Variants in TMTC1 observed in about 807,000 individuals in gnomAD.
TMTC1 encodes transmembrane O-mannosyltransferase targeting cadherins 1, also known as protein O-mannosyl-transferase TMTC1.
TMTC1 carries 73 observed loss-of-function variants against 104.8 expected under a neutral mutation model. That is an observed-to-expected ratio of 0.70 (90% CI 0.58 to 0.85). The LOEUF (loss-of-function observed/expected upper bound fraction) is 0.85, where lower values mean the gene tolerates loss of function less well. Among genes scored for constraint, TMTC1 ranks in the 40% least tolerant of loss-of-function variants. TMTC1 has a pLI of 0.00. For missense variants in TMTC1, 1,035 were observed against 1,096.1 expected (o/e 0.94, Z 0.79); for synonymous variants, 434 against 428.7 (o/e 1.01, Z -0.15).
At chr12:29,685,299 A>C (rs1010126293) in intron 5 of TMTC1, among the ~76,000 whole-genome samples, 1 of 152,000 alleles carries the variant, frequency 6.6e-6, no homozygotes, top group Non-Finnish European at 1.5e-5. Context: ...TTTTTACATA[A>C]TTTTCACATT....
At chr12:29,594,139 T>C (rs1946350252) in intron 7 of TMTC1, among the ~76,000 whole-genome samples, 1 of 152,216 alleles carries the variant, frequency 6.6e-6, no homozygotes, top group Non-Finnish European at 1.5e-5. Flanking sequence ...AAATTTTCCA[T>C]CAAGGCTTGG....
chr12:29,528,550 C>A (rs1373235309), intron 11 of TMTC1, among the ~76,000 whole-genome samples: 1 of 152,168 alleles, frequency 6.6e-6, no homozygotes, highest in Non-Finnish European at 1.5e-5. Flanking sequence ...CAATATAGCA[C>A]ACTTTTTACC....
At chr12:29,555,784 T>C (rs1592225739) in intron 10 of TMTC1, among the ~76,000 whole-genome samples, 1 of 152,324 alleles carries the variant, frequency 6.6e-6, no homozygotes. Context: ...GCAATAAACA[T>C]ATGTGTGCAT....
At chr12:29,618,649 G>A (rs187509736) in intron 6 of TMTC1, among the ~76,000 whole-genome samples, 1 of 151,830 alleles carries the variant, frequency 6.6e-6, no homozygotes, top group African/African-American at 2.4e-5. Context: ...TGCACTTACA[G>A]CTAATCACCT....
At chr12:29,670,259 T>G (rs1372938957) in intron 5 of TMTC1, among the ~76,000 whole-genome samples, 1 of 152,224 alleles carries the variant, frequency 6.6e-6, no homozygotes, top group Non-Finnish European at 1.5e-5. Flanking sequence ...ATACTGGGAC[T>G]GTCTGGGTAA....
intron 5 of TMTC1, among the ~76,000 whole-genome samples, chr12:29,693,707 ATCATTTTT>A (rs1941331659): frequency 1.3e-5 from 2 of 152,228 alleles, no homozygotes; most frequent in African/African-American, 4.8e-5. Context: ...CTCTACTAGT[ATCATTTTT>A]TATATACTAG....
intron 5 of TMTC1, among the ~76,000 whole-genome samples, chr12:29,713,874 G>T (rs1942005269): frequency 6.6e-6 from 1 of 152,146 alleles, no homozygotes; most frequent in Non-Finnish European, 1.5e-5. Flanking sequence ...GAGAGGTGAG[G>T]TGTAACAAGA....
intron 5 of TMTC1, among the ~76,000 whole-genome samples, chr12:29,715,375 G>A (rs1215533945): frequency 6.6e-6 from 1 of 152,104 alleles, no homozygotes; most frequent in African/African-American, 2.4e-5. Flanking sequence ...GAAAAAGTGT[G>A]ACAGCCATGA....
chr12:29,733,181 C>A, intron 5 of TMTC1, among the ~76,000 whole-genome samples: 1 of 152,168 alleles, frequency 6.6e-6, no homozygotes, highest in South Asian at 2.1e-4. Flanking sequence ...CATAACAATC[C>A]TATGAGAGAG....
intron 4 of TMTC1, among the ~76,000 whole-genome samples, chr12:29,755,423 C>G (rs897753846): frequency 1.1e-4 from 16 of 152,300 alleles, no homozygotes; most frequent in Admixed American, 8.5e-4. Context: ...GCAACCAAAA[C>G]AAACCAGCAA....
chr12:29,631,218 T>C (rs1938280674), intron 6 of TMTC1, among the ~76,000 whole-genome samples: 1 of 151,876 alleles, frequency 6.6e-6, no homozygotes, highest in Non-Finnish European at 1.5e-5. Flanking sequence ...CTTCATTTAA[T>C]TCACATTATC....
At chr12:29,767,486 GGTAA>G (rs1943492875) in intron 2 of TMTC1, among the ~76,000 whole-genome samples, 1 of 152,180 alleles carries the variant, frequency 6.6e-6, no homozygotes, top group African/African-American at 2.4e-5. Context: ...GACTCAGCAT[GGTAA>G]GTGTCTCGAA....
intron 7 of TMTC1, among the ~76,000 whole-genome samples, chr12:29,585,291 G>C (rs1321340143): frequency 6.6e-6 from 1 of 152,086 alleles, no homozygotes; most frequent in Non-Finnish European, 1.5e-5. Flanking sequence ...GGGGTTGTTT[G>C]TTTTTTTCTT....
rs1943620714 is a variant in TMTC1, at chr12:29,502,677, G to C, written c.*4169C>G. The stretch of plus-strand genomic sequence containing the variant: ...CAATTGTGCCATACATCATTGTTAA[G>C]ACTTCTTTGGCTCATTTTAGTATAG... On this transcript the variant is annotated 3_prime_UTR_variant, in exon 18 of 18. Transcript: ENST00000539277. The C allele has an allele frequency of 6.6e-6, 1 of 152,156 alleles. No individual in the cohort carries two copies. The highest frequency in any genetic ancestry group is 2.4e-5 in the African/African-American group (1 of 41,430). 9.4% of individuals were successfully genotyped at this position (152,156 alleles called of 1,614,324 possible).
At chr12:29,657,181 T>C (rs1308793140) in intron 5 of TMTC1, among the ~76,000 whole-genome samples, 1 of 152,224 alleles carries the variant, frequency 6.6e-6, no homozygotes, top group East Asian at 1.9e-4. Context: ...ACAAGAAGTC[T>C]TGGAATGAAA....
chr12:29,693,542 C>T (rs1941325964), intron 5 of TMTC1, among the ~76,000 whole-genome samples: 1 of 152,126 alleles, frequency 6.6e-6, no homozygotes, highest in Non-Finnish European at 1.5e-5. Context: ...CCGTTCCCAG[C>T]CTCTAATATT....
intron 7 of TMTC1, among the ~76,000 whole-genome samples, chr12:29,587,957 G>C (rs1376225633): frequency 6.6e-6 from 1 of 152,108 alleles, no homozygotes; most frequent in Non-Finnish European, 1.5e-5. Flanking sequence ...TCTGTTCTCT[G>C]TATCAAGAGC....
At chr12:29,623,829 ATTAAAT>A (rs576283112) in intron 6 of TMTC1, among the ~76,000 whole-genome samples, 2,853 of 76,088 alleles carry the variant, frequency 0.037, 52 homozygotes, top group African/African-American at 0.12. Flanking sequence ...AAATAAATAA[ATTAAAT>A]TAAATTAAAT....
At chr12:29,520,482 TATA>T (rs1395632800) in intron 12 of TMTC1, 133 bp downstream of exon 12, 1 of 711,942 alleles carries the variant, frequency 1.4e-6, no homozygotes, top group Non-Finnish European at 2.4e-6. Context: ...AGCCCCGAGG[TATA>T]ATGACTGTCA....
Sources: allele counts gnomAD v4.1 joint callset (sites outside exome capture counted in the v4.1 genomes callset), GRCh38; gene constraint gnomAD v4.1.1; transcripts MANE v1.5; gene names NCBI Gene and HGNC (gene_info 2026-07-23, HGNC 2026-07-21).